YARS1: variants seen among roughly 807,000 people sequenced by gnomAD.
The protein encoded by YARS1 is tyrosyl-tRNA synthetase 1.
A neutral mutation model predicts 62.2 loss-of-function variants in YARS1; 36 were observed. The ratio of observed to expected loss-of-function variants is 0.58; its 90% CI spans 0.44 to 0.76. The LOEUF (loss-of-function observed/expected upper bound fraction) is 0.76, where lower values mean the gene tolerates loss of function less well. YARS1 is among the 30% of genes least tolerant of loss of function. YARS1 has a pLI of 0.00. For missense variants in YARS1, 524 were observed against 639.8 expected (o/e 0.82, Z 1.95); for synonymous variants, 234 against 244.9 (o/e 0.96, Z 0.42).
At chr1:32,812,303 C>T (rs1337407266) in intron 1 of YARS1, among the ~76,000 whole-genome samples, 1 of 152,126 alleles carries the variant, frequency 6.6e-6, no homozygotes, top group Non-Finnish European at 1.5e-5. Flanking sequence ...GTGAGCCACC[C>T]CACCTGGTGA....
At chr1:32,782,688 T>G in intron 8 of YARS1, 149 bp from the exon 9 acceptor site, 1 of 1,057,166 alleles carries the variant, frequency 9.5e-7, no homozygotes, top group East Asian at 2.6e-5. Context: ...GAAGGGAAAA[T>G]ACATTCAGAA....
At chr1:32,796,251 G>A (rs573621055) in intron 5 of YARS1, among the ~76,000 whole-genome samples, 63 of 152,142 alleles carry the variant, frequency 4.1e-4, no homozygotes, top group African/African-American at 7.9e-4. Flanking sequence ...AGCCGAGATC[G>A]CGCCACTGCA....
intron 1 of YARS1, among the ~76,000 whole-genome samples, chr1:32,814,673 A>C (rs540698408): frequency 6.6e-6 from 1 of 152,332 alleles, no homozygotes; most frequent in Admixed American, 6.5e-5. Context: ...TACCGGCATG[A>C]GCCACTGCGC....
At chr1:32,811,557 T>C in intron 1 of YARS1, 1 of 179,770 alleles carries the variant, frequency 5.6e-6, no homozygotes. Context: ...CATTTGTCTT[T>C]CTAACTTTTT....
At chr1:32,815,314 A>T (rs1638682307) in intron 1 of YARS1, among the ~76,000 whole-genome samples, 1 of 152,078 alleles carries the variant, frequency 6.6e-6, no homozygotes, top group Admixed American at 6.5e-5. Context: ...GTGCCATTGC[A>T]CTCCAGCCTG....
At chr1:32,786,792 C>A in intron 7 of YARS1, 148 bp downstream of exon 7, 1 of 1,099,754 alleles carries the variant, frequency 9.1e-7, no homozygotes, top group South Asian at 1.5e-5. Flanking sequence ...ATCCCAACAT[C>A]ATTCATACTT....
chr1:32,786,305 G>C, intron 8 of YARS1, 57 bp downstream of exon 8: 2 of 1,557,812 alleles, frequency 1.3e-6, no homozygotes, highest in East Asian at 4.5e-5. Flanking sequence ...CTAACAGTCA[G>C]CAAAAAATAA....
intron 6 of YARS1, among the ~76,000 whole-genome samples, chr1:32,789,647 G>A (rs998697204): frequency 7.3e-5 from 11 of 150,134 alleles, no homozygotes; most frequent in African/African-American, 2.5e-4. Flanking sequence ...GGAGTGCAGT[G>A]ATGCAATCTT....
chr1:32,796,202 A>G lies in YARS1; in HGVS notation c.591+1561T>C, dbSNP rs572588663. 2.0e-5 allele frequency among the ~76,000 whole-genome samples: 3 copies of G among 152,042 alleles called. No homozygotes were observed. In the East Asian group the frequency reaches 5.8e-4, roughly 30 times the overall value. On this transcript the variant is annotated intron_variant, in intron 5 of 12. Transcript: ENST00000373477. Reference sequence around the variant, plus strand: ...CCCAGCTACTTGGGAGGCTGAGGCAAAGAGAGTCACTTGAACCTGGGAAAC... The same window carrying G: ...CCCAGCTACTTGGGAGGCTGAGGCAGAGAGAGTCACTTGAACCTGGGAAAC...
rs1638471025 is a variant in YARS1, at chr1:32,806,555, T to C, written c.437A>G (p.Lys146Arg). ...CTTTACCACCTCAGCTCCAGCCTTC[T>C]TGGAATCGTGCTGTGTGACCACGGA... is the stretch of plus-strand genomic sequence containing the variant. ...LSSVVTQHDSKKAGAEVVKQV... is the reference protein window; with the variant it reads ...LSSVVTQHDSRKAGAEVVKQV... The change falls in exon 4 of 13, where the codon AAG (lysine) becomes AGG (arginine). Residue 146 changes from lysine (K) to arginine (R), a missense_variant. Coordinates refer to ENST00000373477, the MANE Select transcript of YARS1 (RefSeq NM_003680.4). The C allele has an allele frequency of 6.2e-7, 1 of 1,614,138 alleles. No individual in the cohort carries two copies. The highest frequency in any genetic ancestry group is 8.5e-7 in the Non-Finnish European group (1 of 1,180,022).
intron 5 of YARS1, among the ~76,000 whole-genome samples, chr1:32,796,190 G>A (rs924052448): frequency 6.6e-6 from 1 of 152,016 alleles, no homozygotes; most frequent in Admixed American, 6.6e-5. Context: ...AGCTACTTGG[G>A]AGGCTGAGGC....
Position 32,802,043 on chromosome 1 carries a change from G to A in YARS1, c.511-4200C>T, listed in dbSNP as rs1392818177. ...GCTCACTGCAAGCTCCGCCTCCCGG[G>A]TTCACGCCATTCTCCTGCCTCAGCC... On this transcript the variant is annotated intron_variant, in intron 4 of 12. Transcript: ENST00000373477. Among the ~76,000 whole-genome samples the A allele has an allele frequency of 2.9e-3, 426 of 149,274 alleles. 1 individual carries two copies. The highest frequency in any genetic ancestry group is 4.9e-3 in the Non-Finnish European group (328 of 67,044).
At chr1:32,801,942 CTTTT>C (rs34270752) in intron 4 of YARS1, among the ~76,000 whole-genome samples, 11 of 103,892 alleles carry the variant, frequency 1.1e-4, no homozygotes, top group African/African-American at 1.8e-4. Flanking sequence ...CTTGTTATTT[CTTTT>C]TTTTTTTTTT....
At chr1:32,801,942 C>CTTTTTTTTTT (rs34270752) in intron 4 of YARS1, among the ~76,000 whole-genome samples, 164 of 103,864 alleles carry the variant, frequency 1.6e-3, no homozygotes, top group Middle Eastern at 7.6e-3. Flanking sequence ...CTTGTTATTT[C>CTTTTTTTTTT]TTTTTTTTTT....
chr1:32,781,366 G>C, intron 9 of YARS1: 1 of 575,066 alleles, frequency 1.7e-6, no homozygotes, highest in Non-Finnish European at 3.1e-6. Context: ...CTAGCGGGGA[G>C]GGAGCAGTAG....
chr1:32,784,941 A>G (rs1653172355), intron 8 of YARS1, among the ~76,000 whole-genome samples: 2 of 152,152 alleles, frequency 1.3e-5, no homozygotes, highest in Admixed American at 6.6e-5. Flanking sequence ...AGGAGCCTCT[A>G]TTCTGTCCTT....
chr1:32,802,336 C>T (rs1638322343), intron 4 of YARS1, among the ~76,000 whole-genome samples: 1 of 152,138 alleles, frequency 6.6e-6, no homozygotes, highest in Non-Finnish European at 1.5e-5. Context: ...TTACCATCCA[C>T]TTCTTCCAAA....
chr1:32,786,810 T>C, intron 7 of YARS1, 130 bp downstream of exon 7: 2 of 1,236,920 alleles, frequency 1.6e-6, no homozygotes, highest in South Asian at 1.4e-5. Context: ...CTTTAATATA[T>C]AAGAAATCAG....
chr1:32,786,753 G>T, intron 7 of YARS1, 187 bp downstream of exon 7: 1 of 882,152 alleles, frequency 1.1e-6, no homozygotes, highest in East Asian at 2.7e-5. Context: ...AACCTAGCCT[G>T]GTAACGAATA....
Sources: gnomAD v4.1 joint callset for allele counts (sites outside exome capture counted in the v4.1 genomes callset) on GRCh38, gnomAD v4.1.1 for gene constraint, MANE v1.5 for transcripts, NCBI Gene and HGNC (gene_info 2026-07-23, HGNC 2026-07-21) for gene names.